The following ZNF236 variants were observed in gnomAD, a reference collection of about 807,000 sequenced individuals.
The protein encoded by ZNF236 is regulated by glucose.
In ZNF236, 50 loss-of-function variants were observed where a neutral mutation model predicts 191.2. That is an observed-to-expected ratio of 0.26 (90% CI 0.21 to 0.33). The LOEUF is 0.33. ZNF236 is among the 10% of genes least tolerant of loss of function. The pLI is 1.00. For synonymous variants in ZNF236, 907 were observed against 928.8 expected (o/e 0.98, Z 0.43); for missense variants, 1,754 against 2,374.5 (o/e 0.74, Z 5.43).
At chr18:76,910,592 C>G in intron 15 of ZNF236, 68 bp from the exon 16 acceptor site, 1 of 1,487,598 alleles carries the variant, frequency 6.7e-7, no homozygotes, top group Non-Finnish European at 9.2e-7. Context: ...ATTTATAAAC[C>G]TTTTCTTAGA....
chr18:76,902,959 G>A lies in ZNF236; in HGVS notation c.1895-1421G>A, dbSNP rs548567892. On this transcript the variant is annotated intron_variant, in intron 11 of 30. Transcript: ENST00000320610. ...GAGGCTGTGCTGTCAAGCACAGGGT[G>A]GTGTCAGAGCTGCCTGGAGCGAGGT... is the stretch of plus-strand genomic sequence containing the variant. Among the ~76,000 whole-genome samples the A allele has an allele frequency of 3.3e-5, 5 of 152,236 alleles. 1 individual carries two copies. In the South Asian group the frequency reaches 1.0e-3, roughly 32 times the overall value.
In ZNF236 at chr18:76,927,754, C is replaced by G. The variant is rs1360551938; in HGVS notation, c.4415-173C>G. Among the ~76,000 whole-genome samples, 3 of 152,134 alleles carry G rather than the reference C, an allele frequency of 2.0e-5. No homozygotes were observed. Among genetic ancestry groups the G allele is most frequent in the African/African-American group, 4.8e-5 (2 of 41,410 alleles). ...ACTCTTTTCATCCTGGCTTCATTTC[C>G]TCACAAGGCTTTCTTCTTAGACGAA... On this transcript the variant is annotated intron_variant, in intron 24 of 30. Transcript: ENST00000320610. The surrounding 1 kb of genome is among the most constrained non-coding windows in gnomAD (Gnocchi z 5.4).
chr18:76,899,194 G>T lies in ZNF236; in HGVS notation c.1866G>T (p.Leu622Phe). The change falls in exon 11 of 31, where the codon TTG becomes TTT. Residue 622 changes from leucine to phenylalanine, a missense_variant. Physicochemically the swap from Leu to Phe is conservative, Grantham distance 22 (BLOSUM62 0). Around this residue, in one of 5 missense-constraint regions of ZNF236, gnomAD observed 641 missense variants for 869.6 expected, o/e 0.74. Transcript: ENST00000320610. ...KTNIPVPDIP[L>F]QEPILITDLG... ...ATATTCCAGTCCCTGATATTCCTTT[G>T]CAGGAACCAATCCTCATAACTGACT... 6.2e-7 allele frequency: 1 copy of T among 1,614,044 alleles called. No homozygotes were observed. The highest frequency in any genetic ancestry group is 8.5e-7 in the Non-Finnish European group (1 of 1,179,930).
chr18:76,838,417 C>G (rs946498872), intron 1 of ZNF236, among the ~76,000 whole-genome samples: 1 of 152,172 alleles, frequency 6.6e-6, no homozygotes, highest in Non-Finnish European at 1.5e-5. Flanking sequence ...GGGAGGAGTG[C>G]TGTGACCTGT....
intron 3 of ZNF236, among the ~76,000 whole-genome samples, chr18:76,864,877 C>T (rs982710933): frequency 2.6e-5 from 4 of 151,484 alleles, no homozygotes; most frequent in Non-Finnish European, 5.9e-5. Flanking sequence ...GCAATGTACT[C>T]GAAAATACTA....
intron 4 of ZNF236, among the ~76,000 whole-genome samples, chr18:76,870,590 A>T (rs1976553032): frequency 6.6e-6 from 1 of 152,150 alleles, no homozygotes; most frequent in Admixed American, 6.5e-5. Flanking sequence ...ACAGTTTCAG[A>T]TAGTGGTGAG....
Position 76,879,820 on chromosome 18 carries a change from T to C in ZNF236, c.985-293T>C, listed in dbSNP as rs567148222. 3.5e-4 allele frequency among the ~76,000 whole-genome samples: 53 copies of C among 152,322 alleles called. 1 individual carries two copies. Among genetic ancestry groups the C allele is most frequent in the Admixed American group, 3.1e-3 (47 of 15,300 alleles). ...TTTAAAAATTCCTTCACTTCAATTT[T>C]ATGGGCTAACAGGAAGGTGAGGGTT... On this transcript the variant is annotated intron_variant, in intron 7 of 30. Coordinates refer to ENST00000320610, the MANE Select transcript of ZNF236 (RefSeq NM_001306089.2).
intron 9 of ZNF236, among the ~76,000 whole-genome samples, chr18:76,882,107 T>G (rs542957902): frequency 6.6e-6 from 1 of 152,346 alleles, no homozygotes; most frequent in East Asian, 1.9e-4. Context: ...GACATCATAC[T>G]GAAACTGGAT....
intron 3 of ZNF236, among the ~76,000 whole-genome samples, chr18:76,853,249 T>C (rs1975934632): frequency 6.6e-6 from 1 of 152,022 alleles, no homozygotes. Context: ...TGGCTAATTT[T>C]TGTATTTTTA....
At chr18:76,942,359 A>AT (rs1202642021) in intron 26 of ZNF236, among the ~76,000 whole-genome samples, 1 of 152,232 alleles carries the variant, frequency 6.6e-6, no homozygotes, top group Admixed American at 6.5e-5. Flanking sequence ...ATTACTGTAC[A>AT]TATTTAAAAG....
intron 13 of ZNF236, 130 bp from the exon 14 acceptor site, chr18:76,908,190 T>C (rs2122755013): frequency 1.6e-6 from 2 of 1,261,854 alleles, no homozygotes; most frequent in Non-Finnish European, 2.2e-6. Context: ...TGAATTGCCA[T>C]CATGACTTCA....
intron 27 of ZNF236, among the ~76,000 whole-genome samples, chr18:76,948,137 T>C (rs897657185): frequency 2.0e-5 from 3 of 152,162 alleles, no homozygotes; most frequent in African/African-American, 7.2e-5. Context: ...AATACATGTT[T>C]TTGGGAGCCA....
At position 76,908,579 on chromosome 18, in the gene ZNF236, T is replaced by C. The variant is rs763897065; in HGVS notation, c.2551+6T>C. On this transcript the variant is annotated splice_donor_region_variant and intron_variant, in intron 14 of 30. Transcript: ENST00000320610. ...GCCCCTGGAAGCAGATGAAGGTAAA[T>C]GTTTCAGGATATTTAACTTTGAGTG... The C allele has an allele frequency of 6.3e-7, 1 of 1,595,598 alleles. No homozygotes were observed. The highest frequency in any genetic ancestry group is 2.2e-5 in the East Asian group (1 of 44,546).
At chr18:76,948,928 G>T (rs557149731) in intron 27 of ZNF236, among the ~76,000 whole-genome samples, 1 of 152,236 alleles carries the variant, frequency 6.6e-6, no homozygotes, top group Non-Finnish European at 1.5e-5. Context: ...CAAGGTTCTG[G>T]GTATGAAATA....
rs193263844 is a variant in ZNF236, at chr18:76,968,704, G to C, written c.*365G>C. On this transcript the variant is annotated 3_prime_UTR_variant, in exon 31 of 31. Transcript: ENST00000320610. The stretch of plus-strand genomic sequence containing the variant: ...AGACAAAAACGCTAACATTGAAAAA[G>C]TATGTCAGATTTTCCTTCATGTTTC... 7 of 1,002,026 alleles carry C rather than the reference G, an allele frequency of 7.0e-6. No individual in the cohort carries two copies. In the South Asian group the frequency reaches 3.0e-4, roughly 44 times the overall value. The allele number at this position is 1,002,026 out of a possible 1,614,324, so 62.1% of individuals were successfully genotyped here.
chr18:76,883,925 G>A (rs930933877), intron 9 of ZNF236, among the ~76,000 whole-genome samples: 2 of 152,040 alleles, frequency 1.3e-5, no homozygotes, highest in Non-Finnish European at 2.9e-5. Flanking sequence ...CCTTCATTAC[G>A]TTCCTAAGTT....
At chr18:76,866,831 G>A (rs1976427320) in intron 3 of ZNF236, among the ~76,000 whole-genome samples, 1 of 152,150 alleles carries the variant, frequency 6.6e-6, no homozygotes, top group South Asian at 2.1e-4. Flanking sequence ...CGCAGGGGGA[G>A]GGAGGAGCAT....
rs955281885 is a variant in ZNF236 at position 76,880,356 on chromosome 18, G to A, written c.1188+40G>A. 2.6e-6 allele frequency: 4 copies of A among 1,555,138 alleles called. No individual in the cohort carries two copies. Among genetic ancestry groups the A allele is most frequent in the Admixed American group, 1.9e-5 (1 of 53,766 alleles). ...CCTGCGGTGTGAGGCTTACGTGCTC[G>A]TGCTGGGTCAGAAACCAGGGATGAT... On this transcript the variant is annotated intron_variant, in intron 8 of 30. Transcript: ENST00000320610. This position sits in a 1 kb window ranked among gnomAD's most constrained non-coding sequence, Gnocchi z 5.0.
intron 19 of ZNF236, among the ~76,000 whole-genome samples, chr18:76,917,307 G>A (rs753380939): frequency 8.5e-5 from 13 of 152,278 alleles, no homozygotes; most frequent in Admixed American, 6.5e-4. Flanking sequence ...CTAGAACCCC[G>A]TCATTTGGAG....
Sources: allele counts gnomAD v4.1 joint callset (sites outside exome capture counted in the v4.1 genomes callset), GRCh38; gene constraint gnomAD v4.1.1; regional missense constraint gnomAD v4.1.1; non-coding constraint Gnocchi (gnomAD v3.1); transcripts MANE v1.5; gene names NCBI Gene and HGNC (gene_info 2026-07-23, HGNC 2026-07-21).